GPC6: variants seen among roughly 807,000 people sequenced by gnomAD.
GPC6 encodes the protein glypican-6.
In GPC6, 14 loss-of-function variants were observed where a neutral mutation model predicts 55.2. The ratio of observed to expected loss-of-function variants is 0.25; its 90% confidence interval spans 0.17 to 0.40. The LOEUF is 0.40. Among genes scored for constraint, GPC6 ranks in the 10% least tolerant of loss-of-function variants. The pLI is 1.00. For missense variants in GPC6, 641 were observed against 708.5 expected, an observed-to-expected ratio of 0.90 and a Z score of 1.08; for synonymous variants, 278 against 259.6, an observed-to-expected ratio of 1.07 and a Z score of -0.68.
In GPC6 at chr13:93,830,142, T is replaced by C; in HGVS notation, c.320-12T>C. 1 of 1,605,840 alleles carries C rather than the reference T, an allele frequency of 6.2e-7. No homozygotes were observed. Among genetic ancestry groups the C allele is most frequent in the Admixed American group, 1.7e-5 (1 of 59,164 alleles). On this transcript the variant is annotated splice_polypyrimidine_tract_variant and intron_variant, in intron 2 of 8. Transcript: ENST00000377047. ...TTCATTAATTTATGACTTCTTTCTG[T>C]TTTATCTGCAGAATTTTTCCGAGAG...
At chr13:93,836,651 C>T (rs1421655021) in intron 3 of GPC6, among the ~76,000 whole-genome samples, 2 of 152,134 alleles carry the variant, frequency 1.3e-5, no homozygotes, top group African/African-American at 4.8e-5. Context: ...ACTTTTAAAT[C>T]AGCATAATCT....
intron 4 of GPC6, among the ~76,000 whole-genome samples, chr13:94,171,651 A>G (rs1031069563): frequency 1.3e-5 from 2 of 152,212 alleles, no homozygotes; most frequent in Non-Finnish European, 2.9e-5. Context: ...GCTAGGGGGT[A>G]AAACCAAGAC....
chr13:93,325,876 T>C (rs1157221423), intron 1 of GPC6, among the ~76,000 whole-genome samples: 1 of 152,146 alleles, frequency 6.6e-6, no homozygotes, highest in African/African-American at 2.4e-5. Context: ...TCTGGCAGTG[T>C]GGATACAGAG....
intron 4 of GPC6, among the ~76,000 whole-genome samples, chr13:94,100,385 T>A (rs1255432306): frequency 1.3e-5 from 2 of 152,214 alleles, no homozygotes; most frequent in Non-Finnish European, 2.9e-5. Flanking sequence ...GCAAACATAC[T>A]ATTTTCCTTT....
intron 2 of GPC6, among the ~76,000 whole-genome samples, chr13:93,685,373 T>C (rs1331998878): frequency 6.6e-6 from 1 of 152,172 alleles, no homozygotes; most frequent in East Asian, 1.9e-4. Context: ...TCCGGGGCCA[T>C]GCATGTAGTA....
intron 1 of GPC6, among the ~76,000 whole-genome samples, chr13:93,268,292 G>A (rs1877393107): frequency 6.6e-6 from 1 of 152,176 alleles, no homozygotes; most frequent in Non-Finnish European, 1.5e-5. Context: ...GGTCCCGCCT[G>A]TATGTTTACA....
At chr13:93,360,100 A>G (rs564886095) in intron 1 of GPC6, among the ~76,000 whole-genome samples, 1 of 152,320 alleles carries the variant, frequency 6.6e-6, no homozygotes, top group African/African-American at 2.4e-5. Context: ...CAGTAAAAGA[A>G]CATCATTCCA....
At chr13:93,313,614 A>G (rs553569240) in intron 1 of GPC6, among the ~76,000 whole-genome samples, 59 of 152,232 alleles carry the variant, frequency 3.9e-4, no homozygotes, top group African/African-American at 1.4e-3. Context: ...TTTCCTGTGT[A>G]TACCCTCTAT....
At chr13:93,955,038 G>A in intron 3 of GPC6, among the ~76,000 whole-genome samples, 1 of 152,086 alleles carries the variant, frequency 6.6e-6, no homozygotes, top group Non-Finnish European at 1.5e-5. Flanking sequence ...TTAAAGTCCT[G>A]CACCACTGTC....
intron 1 of GPC6, among the ~76,000 whole-genome samples, chr13:93,534,178 C>G (rs1275118489): frequency 6.6e-6 from 1 of 152,168 alleles, no homozygotes; most frequent in African/African-American, 2.4e-5. Context: ...GCCCATCTCT[C>G]TCTTTCTCCA....
chr13:93,473,653 C>T (rs1232544905), intron 1 of GPC6, among the ~76,000 whole-genome samples: 1 of 152,212 alleles, frequency 6.6e-6, no homozygotes. Flanking sequence ...TTCAGGTCCT[C>T]ACAGGGCCCC....
At chr13:93,981,083 C>CA (rs1566632918) in intron 3 of GPC6, among the ~76,000 whole-genome samples, 1 of 152,042 alleles carries the variant, frequency 6.6e-6, no homozygotes, top group African/African-American at 2.4e-5. Context: ...TCTTATTATT[C>CA]AAAAAGAGAA....
chr13:93,631,469 A>C (rs1159415813), intron 2 of GPC6, among the ~76,000 whole-genome samples: 1 of 152,162 alleles, frequency 6.6e-6, no homozygotes, highest in Non-Finnish European at 1.5e-5. Context: ...GAACCACAAG[A>C]AATACATTTT....
intron 6 of GPC6, among the ~76,000 whole-genome samples, chr13:94,376,646 T>G (rs895250781): frequency 2.0e-5 from 3 of 151,982 alleles, no homozygotes; most frequent in African/African-American, 7.3e-5. Context: ...ACAGATTCAA[T>G]GCCATCCCCA....
At chr13:93,366,630 C>G (rs937860167) in intron 1 of GPC6, among the ~76,000 whole-genome samples, 1 of 151,958 alleles carries the variant, frequency 6.6e-6, no homozygotes, top group Admixed American at 6.6e-5. Context: ...ATAAGTCTTG[C>G]AATACTTTTT....
rs146194918 is a variant in GPC6, at chr13:93,261,512, C to T, written c.160+33896C>T. Among the ~76,000 whole-genome samples the T allele has an allele frequency of 5.5e-3, 835 of 152,162 alleles. 5 individuals are homozygous for T. Among genetic ancestry groups the T allele is most frequent in the South Asian group, 0.01 (50 of 4,816 alleles). ...AGCATAAATACTGCTTTTTAACATTCGAAGGCATAAGAAGAATCCAGTATA... is the reference window on the plus strand; with the variant it reads ...AGCATAAATACTGCTTTTTAACATTTGAAGGCATAAGAAGAATCCAGTATA... On this transcript the variant is annotated intron_variant, in intron 1 of 8. Transcript: ENST00000377047.
intron 4 of GPC6, among the ~76,000 whole-genome samples, chr13:94,078,113 G>C (rs1236467199): frequency 1.3e-5 from 2 of 151,862 alleles, no homozygotes; most frequent in Non-Finnish European, 2.9e-5. Flanking sequence ...ACAGGAGGCA[G>C]ATTGGAAAAT....
chr13:93,883,455 T>G (rs1290144690), intron 3 of GPC6, among the ~76,000 whole-genome samples: 1 of 152,094 alleles, frequency 6.6e-6, no homozygotes, highest in African/African-American at 2.4e-5. Flanking sequence ...TTTTTATTTT[T>G]GATAATGGCC....
chr13:93,550,174 C>A (rs1257236061), intron 2 of GPC6, among the ~76,000 whole-genome samples: 1 of 152,094 alleles, frequency 6.6e-6, no homozygotes, highest in African/African-American at 2.4e-5. Context: ...TTTTACCTCA[C>A]AAAGCCTAGT....
Sources: gnomAD v4.1 joint callset for allele counts (sites outside exome capture counted in the v4.1 genomes callset) on GRCh38, gnomAD v4.1.1 for gene constraint, MANE v1.5 for transcripts, NCBI Gene and HGNC (gene_info 2026-07-23, HGNC 2026-07-21) for gene names.